TTLL11: variants seen among roughly 807,000 people sequenced by gnomAD.
TTLL11 encodes the protein tubulin tyrosine ligase like 11, also known as tubulin polyglutamylase TTLL11.
In TTLL11, 42 loss-of-function variants were observed where a neutral mutation model predicts 51.7. The ratio of observed to expected loss-of-function variants is 0.81; its 90% CI spans 0.64 to 1.05. The LOEUF (loss-of-function observed/expected upper bound fraction) is 1.05, where lower values mean the gene tolerates loss of function less well. TTLL11 is among the 50% of genes least tolerant of loss of function. The pLI is 0.00. For synonymous variants in TTLL11, 381 were observed against 383.5 expected, an observed-to-expected ratio of 0.99 and a Z score of 0.08; for missense variants, 799 against 940.4, an observed-to-expected ratio of 0.85 and a Z score of 1.97.
At chr9:122,069,420 C>T (rs1001084420) in intron 1 of TTLL11, among the ~76,000 whole-genome samples, 17 of 152,296 alleles carry the variant, frequency 1.1e-4, no homozygotes, top group Admixed American at 3.3e-4. Flanking sequence ...TGGTGGCTCA[C>T]GCCTGTAATC....
intron 6 of TTLL11, among the ~76,000 whole-genome samples, chr9:121,879,314 C>T (rs1225665208): frequency 2.6e-5 from 4 of 152,202 alleles, no homozygotes; most frequent in South Asian, 4.1e-4. Context: ...CTTTCCGCTC[C>T]TCCACTGCTC....
chr9:121,823,242 C>T (rs1459382682), intron 8 of TTLL11, among the ~76,000 whole-genome samples: 1 of 152,204 alleles, frequency 6.6e-6, no homozygotes, highest in East Asian at 1.9e-4. Context: ...CAATGAAATG[C>T]CCCCATTAAA....
At chr9:122,047,112 G>A (rs752449401) in intron 1 of TTLL11, among the ~76,000 whole-genome samples, 1 of 152,202 alleles carries the variant, frequency 6.6e-6, no homozygotes, top group Non-Finnish European at 1.5e-5. Context: ...CACATCTGGG[G>A]AGCCTGAGAA....
intron 3 of TTLL11, among the ~76,000 whole-genome samples, chr9:122,002,608 C>T (rs1404989034): frequency 6.6e-6 from 1 of 152,094 alleles, no homozygotes; most frequent in South Asian, 2.1e-4. Context: ...AATGTTTTCC[C>T]ATCCCCTGGG....
chr9:121,838,769 CAAGCAAGCAAGA>C (rs1480552996), intron 8 of TTLL11, among the ~76,000 whole-genome samples: 1,992 of 75,752 alleles, frequency 0.026, 41 homozygotes, highest in African/African-American at 0.068. Context: ...AGAAAGCAAG[CAAGCAAGCAAGA>C]AAGCAAGCAA....
rs115518211 is a variant in TTLL11, at chr9:121,954,442, C to G, written c.1481+19567G>C. Among the ~76,000 whole-genome samples, 1,041 of 152,352 alleles carry G rather than the reference C, an allele frequency of 6.8e-3. 10 individuals carry two copies. The highest frequency in any genetic ancestry group is 0.022 in the African/African-American group (903 of 41,574). ...ATAAATGCGAAACCTTGTAATATCA[C>G]TCTTGTGAAGCACACAGATTCTAAG... On this transcript the variant is annotated intron_variant, in intron 6 of 8. Coordinates refer to ENST00000321582, the MANE Select transcript of TTLL11 (RefSeq NM_001139442.2).
At chr9:122,008,919 A>G (rs1005035746) in intron 3 of TTLL11, among the ~76,000 whole-genome samples, 1 of 152,262 alleles carries the variant, frequency 6.6e-6, no homozygotes, top group African/African-American at 2.4e-5. Flanking sequence ...AAGGACGTTA[A>G]GCGAAATAAG....
Position 121,934,641 on chromosome 9 carries a change from T to C in TTLL11, c.1481+39368A>G, listed in dbSNP as rs529340759. 2.6e-5 allele frequency among the ~76,000 whole-genome samples: 4 copies of C among 152,354 alleles called. No homozygotes were observed. In the East Asian group the frequency reaches 7.7e-4, roughly 29 times the overall value. On this transcript the variant is annotated intron_variant, in intron 6 of 8. Coordinates refer to ENST00000321582, the MANE Select transcript of TTLL11 (RefSeq NM_001139442.2). ...CAACTTATAGTTTGTCTGCCAATTGTTCTTTCCATGAAAAACATTCTGATT... is the reference window on the plus strand; with the variant it reads ...CAACTTATAGTTTGTCTGCCAATTGCTCTTTCCATGAAAAACATTCTGATT...
intron 6 of TTLL11, among the ~76,000 whole-genome samples, chr9:121,873,150 T>C (rs186050053): frequency 4.2e-4 from 64 of 152,208 alleles, no homozygotes; most frequent in African/African-American, 1.5e-3. Flanking sequence ...ACAACGAAAA[T>C]AGCTCAGAGG....
At chr9:121,896,123 T>C (rs1026712610) in intron 6 of TTLL11, among the ~76,000 whole-genome samples, 1 of 152,108 alleles carries the variant, frequency 6.6e-6, no homozygotes, top group African/African-American at 2.4e-5. Context: ...TGAGTGTGTG[T>C]GCTCCGCCAT....
At chr9:121,916,084 C>G (rs987801983) in intron 6 of TTLL11, among the ~76,000 whole-genome samples, 1 of 150,876 alleles carries the variant, frequency 6.6e-6, no homozygotes, top group Non-Finnish European at 1.5e-5. Flanking sequence ...GTAGAAATAA[C>G]TTAAGTCCTC....
At chr9:121,957,127 G>A (rs1842044064) in intron 6 of TTLL11, among the ~76,000 whole-genome samples, 1 of 152,146 alleles carries the variant, frequency 6.6e-6, no homozygotes, top group Non-Finnish European at 1.5e-5. Flanking sequence ...CCTCGTCCTT[G>A]CCACTCTCTC....
intron 6 of TTLL11, among the ~76,000 whole-genome samples, chr9:121,919,241 T>C (rs1459814799): frequency 1.3e-5 from 2 of 152,236 alleles, no homozygotes; most frequent in African/African-American, 4.8e-5. Context: ...AATAAAATCA[T>C]TATTAAATAA....
Position 122,042,102 on chromosome 9 carries a change from T to C in TTLL11, c.463-2734A>G, listed in dbSNP as rs999959300. On this transcript the variant is annotated intron_variant, in intron 1 of 8. Transcript: ENST00000321582. ...TCAGCTCACTGCAACCTCTGCCTCC[T>C]GGATCAAGTGATTCTTTCTCTTCTG... 2.0e-5 allele frequency among the ~76,000 whole-genome samples: 3 copies of C among 151,620 alleles called. No individual in the cohort carries two copies. In the East Asian group the frequency reaches 5.8e-4, roughly 29 times the overall value.
intron 6 of TTLL11, among the ~76,000 whole-genome samples, chr9:121,904,488 C>T (rs1839869784): frequency 6.6e-6 from 1 of 152,208 alleles, no homozygotes; most frequent in Non-Finnish European, 1.5e-5. Context: ...TACATTCCTA[C>T]ATGTTTAATG....
intron 1 of TTLL11, among the ~76,000 whole-genome samples, chr9:122,063,364 G>A (rs1181750938): frequency 6.6e-6 from 1 of 152,066 alleles, no homozygotes; most frequent in East Asian, 1.9e-4. Context: ...TTTTTAACTG[G>A]AAGAAAATAC....
intron 6 of TTLL11, among the ~76,000 whole-genome samples, chr9:121,969,320 C>A (rs1588163924): frequency 6.6e-6 from 1 of 152,080 alleles, no homozygotes; most frequent in East Asian, 1.9e-4. Flanking sequence ...AGAAGGCACC[C>A]TCGAATATGC....
At chr9:121,932,883 C>T (rs1323488986) in intron 6 of TTLL11, among the ~76,000 whole-genome samples, 6 of 152,080 alleles carry the variant, frequency 3.9e-5, no homozygotes, top group Non-Finnish European at 8.8e-5. Flanking sequence ...ACAGGAAAAT[C>T]TGTCTCATTA....
At position 121,870,586 on chromosome 9, in the gene TTLL11, C is replaced by T. The variant is rs746736317; in HGVS notation, c.1644G>A (p.Leu548=). The change falls in exon 7 of 9, where the codon CTG becomes CTA. Residue 548 remains leucine, a synonymous_variant. Transcript: ENST00000321582. ...KYAKQFNYLR[L]VDRMANLFIR... Reference sequence around the variant, plus strand: ...TAAACAAATTTGCCATCCTGTCCACCAGGCGCAGGTAGTTGAACTGTTTTG... The same window carrying T: ...TAAACAAATTTGCCATCCTGTCCACTAGGCGCAGGTAGTTGAACTGTTTTG... 1.9e-6 allele frequency: 3 copies of T among 1,551,740 alleles called. No individual in the cohort carries two copies. The South Asian group carries it at 3.6e-5, about 18-fold the overall frequency.
Sources: gnomAD v4.1 joint callset for allele counts (sites outside exome capture counted in the v4.1 genomes callset) on GRCh38, gnomAD v4.1.1 for gene constraint, MANE v1.5 for transcripts, NCBI Gene and HGNC (gene_info 2026-07-23, HGNC 2026-07-21) for gene names.